The following PPP1R13B variants were observed in gnomAD, a reference collection of about 807,000 sequenced individuals.
The protein encoded by PPP1R13B is protein phosphatase 1 regulatory subunit 13B.
A neutral mutation model predicts 119.8 loss-of-function variants in PPP1R13B; 44 were observed. The observed-to-expected ratio is 0.37, with a 90% CI of 0.29 to 0.47. The LOEUF is 0.47. PPP1R13B is among the 20% of genes least tolerant of loss of function. The pLI, the probability that PPP1R13B is intolerant of heterozygous loss-of-function variation, is 0.99. For missense variants in PPP1R13B, 1,227 were observed against 1,413.5 expected (o/e 0.87, Z 2.12); for synonymous variants, 542 against 561.5 (o/e 0.97, Z 0.49).
At chr14:103,739,152 G>A in intron 12 of PPP1R13B, 129 bp from the exon 13 acceptor site, 1 of 1,274,308 alleles carries the variant, frequency 7.8e-7, no homozygotes, top group Non-Finnish European at 1.1e-6. Context: ...CCCTGGAGTG[G>A]TAGCAGTAGC....
At chr14:103,848,001 G>T (rs994755997), upstream of PPP1R13B, among the ~76,000 whole-genome samples, 1 of 151,690 alleles carries the variant, frequency 6.6e-6, no homozygotes, top group Non-Finnish European at 1.5e-5. Context: ...TCTGACCGCG[G>T]CCTGACCCCC....
At chr14:103,748,005 C>G (rs4906364) in intron 8 of PPP1R13B, among the ~76,000 whole-genome samples, 44,872 of 151,604 alleles carry the variant, frequency 0.3, 7,071 homozygotes, top group Non-Finnish European at 0.34. Flanking sequence ...CTGCCGGCCG[C>G]CCTCACAGAT....
chr14:103,769,983 T>A (rs1016595487), intron 4 of PPP1R13B, among the ~76,000 whole-genome samples: 2 of 152,276 alleles, frequency 1.3e-5, no homozygotes, highest in African/African-American at 4.8e-5. Flanking sequence ...CAATTAGATA[T>A]CTAAAATGCA....
At chr14:103,836,079 T>G (rs913451120) in intron 1 of PPP1R13B, among the ~76,000 whole-genome samples, 3 of 150,900 alleles carry the variant, frequency 2.0e-5, no homozygotes, top group Non-Finnish European at 4.4e-5. Context: ...ACAGTCTCAC[T>G]TTGTTGCCCA....
At position 103,735,032 on chromosome 14, in the gene PPP1R13B, G is replaced by A. The variant is rs865915621; in HGVS notation, c.*122C>T. 7.4e-6 allele frequency: 8 copies of A among 1,079,702 alleles called. No homozygotes were observed. The highest frequency in any genetic ancestry group is 2.0e-4 in the Middle Eastern group (1 of 5,094). The allele number at this position is 1,079,702 out of a possible 1,614,324, so 66.9% of individuals were successfully genotyped here. ...CTGTAGGATTCACATTGTGGACGCT[G>A]TCTGCTAAAGTGAGCACCATTAAGA... On this transcript the variant is annotated 3_prime_UTR_variant, in exon 17 of 17. Transcript: ENST00000202556.
intron 3 of PPP1R13B, 22 bp downstream of exon 3, chr14:103,784,773 G>T: frequency 6.5e-7 from 1 of 1,548,404 alleles, no homozygotes; most frequent in South Asian, 1.2e-5. Context: ...ATTAACAAAT[G>T]AGGAAGAAAG....
rs549220274 is a variant in PPP1R13B, at chr14:103,815,802, G to A, written c.10-18284C>T. Among the ~76,000 whole-genome samples, 17 of 150,966 alleles carry A rather than the reference G, an allele frequency of 1.1e-4. No individual in the cohort carries two copies. In the South Asian group the frequency reaches 1.9e-3, roughly 17 times the overall value. On this transcript the variant is annotated intron_variant, in intron 1 of 16. Transcript: ENST00000202556. ...ATTTTAAAATAATAAAAAAAAGTACGGCCAGGTGTGGTGGCTCATGCCTGT... is the reference window on the plus strand; with the variant it reads ...ATTTTAAAATAATAAAAAAAAGTACAGCCAGGTGTGGTGGCTCATGCCTGT...
intron 1 of PPP1R13B, among the ~76,000 whole-genome samples, chr14:103,808,234 T>G (rs2086064950): frequency 6.8e-6 from 1 of 147,720 alleles, no homozygotes; most frequent in Non-Finnish European, 1.5e-5. Flanking sequence ...ACAGTGACTC[T>G]ATCTCAAAAA....
chr14:103,775,615 GT>G (rs2085170005), intron 4 of PPP1R13B, among the ~76,000 whole-genome samples: 1 of 152,198 alleles, frequency 6.6e-6, no homozygotes, highest in South Asian at 2.1e-4. Context: ...TCAACATTCT[GT>G]TGGACAAACA....
chr14:103,810,015 C>T (rs973270371), intron 1 of PPP1R13B, among the ~76,000 whole-genome samples: 14 of 151,200 alleles, frequency 9.3e-5, no homozygotes, highest in Admixed American at 2.6e-4. Context: ...TTAGTAGAGA[C>T]GGGGTTTCAC....
At chr14:103,831,239 G>A (rs1043980908) in intron 1 of PPP1R13B, among the ~76,000 whole-genome samples, 5 of 151,458 alleles carry the variant, frequency 3.3e-5, no homozygotes, top group East Asian at 1.9e-4. Flanking sequence ...CACTACGCCC[G>A]GCCTCAAGTA....
At chr14:103,841,770 AAG>A (rs1477847254) in intron 1 of PPP1R13B, among the ~76,000 whole-genome samples, 14 of 152,200 alleles carry the variant, frequency 9.2e-5, no homozygotes, top group African/African-American at 3.4e-4. Flanking sequence ...TCGGAAATGA[AAG>A]AGTTTACTAG....
chr14:103,763,145 T>C (rs1030391302), intron 4 of PPP1R13B: 6 of 640,028 alleles, frequency 9.4e-6, no homozygotes, highest in African/African-American at 3.7e-5. Flanking sequence ...TGCCACCTTA[T>C]GACAGGGATA....
At chr14:103,762,490 CTAA>C (rs901782835) in intron 4 of PPP1R13B, among the ~76,000 whole-genome samples, 4 of 151,242 alleles carry the variant, frequency 2.6e-5, no homozygotes, top group African/African-American at 9.7e-5. Context: ...GGAGATACAC[CTAA>C]TGTTAAATGA....
intron 4 of PPP1R13B, chr14:103,759,180 G>C (rs1342475321): frequency 1.3e-5 from 2 of 152,100 alleles, no homozygotes; most frequent in Non-Finnish European, 2.9e-5. Context: ...GGCTGGTCTT[G>C]AACTCCTGAC....
chr14:103,735,783 C>T (rs368904862), intron 16 of PPP1R13B, among the ~76,000 whole-genome samples: 13 of 152,344 alleles, frequency 8.5e-5, no homozygotes, highest in African/African-American at 2.4e-4. Context: ...ACTCAGCCTC[C>T]GCACGGGCCT....
At chr14:103,793,330 G>C (rs2085674587) in intron 2 of PPP1R13B, among the ~76,000 whole-genome samples, 2 of 152,194 alleles carry the variant, frequency 1.3e-5, no homozygotes. Flanking sequence ...ACCAGATGGA[G>C]GTCACTGAAT....
chr14:103,783,440 T>G (rs987414999), intron 3 of PPP1R13B, among the ~76,000 whole-genome samples: 1 of 151,102 alleles, frequency 6.6e-6, no homozygotes, highest in Non-Finnish European at 1.5e-5. Flanking sequence ...TTAGCAGAGA[T>G]GGGGTTTTAC....
chr14:103,818,026 G>T (rs889347230), intron 1 of PPP1R13B, among the ~76,000 whole-genome samples: 2 of 151,020 alleles, frequency 1.3e-5, no homozygotes, highest in African/African-American at 4.9e-5. Context: ...TATAATGAAA[G>T]AACTCACTTC....
Sources: allele counts gnomAD v4.1 joint callset (sites outside exome capture counted in the v4.1 genomes callset), GRCh38; gene constraint gnomAD v4.1.1; transcripts MANE v1.5; gene names NCBI Gene and HGNC (gene_info 2026-07-23, HGNC 2026-07-21).